ELOVL4: variants seen among roughly 807,000 people sequenced by gnomAD.
The protein encoded by ELOVL4 is ELOVL fatty acid elongase 4.
ELOVL4 carries 18 observed loss-of-function variants against 42.1 expected under a neutral mutation model. The ratio of observed to expected loss-of-function variants is 0.43; its 90% CI spans 0.30 to 0.63. The LOEUF is 0.63. Among genes scored for constraint, ELOVL4 ranks in the 30% least tolerant of loss-of-function variants. The probability of loss-of-function intolerance (pLI) is 0.15; values close to 1 mark genes in which losing one functional copy is unlikely to be tolerated. For missense variants in ELOVL4, 299 were observed against 376.2 expected (o/e 0.79, Z 1.70); for synonymous variants, 117 against 127.0 (o/e 0.92, Z 0.53).
At chr6:79,935,471 A>G (rs1362772961) in intron 1 of ELOVL4, among the ~76,000 whole-genome samples, 3 of 152,218 alleles carry the variant, frequency 2.0e-5, no homozygotes, top group African/African-American at 2.4e-5. Context: ...TGGCAAGGGG[A>G]GTCACATGGA....
In ELOVL4 at chr6:79,947,289, G is replaced by A. The variant is rs757145662; in HGVS notation, c.-10C>T. 3 of 1,606,890 alleles carry A rather than the reference G, an allele frequency of 1.9e-6. No individual in the cohort carries two copies. The highest frequency in any genetic ancestry group is 2.6e-6 in the Non-Finnish European group (3 of 1,175,046). ...AGTCCAGGAGCCCCATCGCGGCGAT[G>A]AGCGGGCGCTGGCGGCAGGAGAAAG... On this transcript the variant is annotated 5_prime_UTR_variant, in exon 1 of 6. Coordinates refer to ENST00000369816, the MANE Select transcript of ELOVL4 (RefSeq NM_022726.4).
intron 1 of ELOVL4, among the ~76,000 whole-genome samples, chr6:79,942,637 C>A (rs1241332174): frequency 2.0e-5 from 3 of 152,190 alleles, no homozygotes; most frequent in Non-Finnish European, 4.4e-5. Context: ...ATATAATTAT[C>A]TGCATAATTC....
intron 4 of ELOVL4, among the ~76,000 whole-genome samples, chr6:79,920,522 T>A (rs538033672): frequency 2.2e-4 from 34 of 152,374 alleles, no homozygotes; most frequent in African/African-American, 7.5e-4. Flanking sequence ...CAGATTTTTT[T>A]AAACTTTGGA....
At chr6:79,934,333 A>C (rs1582052833) in intron 1 of ELOVL4, among the ~76,000 whole-genome samples, 1 of 152,204 alleles carries the variant, frequency 6.6e-6, no homozygotes, top group African/African-American at 2.4e-5. Context: ...AAATTTCCAA[A>C]AGGAAAGGGT....
At chr6:79,935,763 G>T (rs539485640) in intron 1 of ELOVL4, among the ~76,000 whole-genome samples, 4 of 152,258 alleles carry the variant, frequency 2.6e-5, no homozygotes, top group East Asian at 3.9e-4. Context: ...TCTAGCATTT[G>T]ATTTTTACAT....
At chr6:79,939,103 T>C in intron 1 of ELOVL4, among the ~76,000 whole-genome samples, 2 of 152,256 alleles carry the variant, frequency 1.3e-5, no homozygotes, top group East Asian at 3.8e-4. Context: ...TTTCTTGTTA[T>C]TTGCTACTTT....
rs1350648264 is a variant in ELOVL4 at position 79,947,160 on chromosome 6, G to A, written c.100+20C>T. The A allele has an allele frequency of 1.2e-6, 2 of 1,601,262 alleles. No individual in the cohort carries two copies. Among genetic ancestry groups the A allele is most frequent in the Non-Finnish European group, 1.7e-6 (2 of 1,170,920 alleles). ...CCCCCGCGGGGGACCGAGCGAGGAT[G>A]GGGAAGTCAGCGGCTTTACCTGCGA... On this transcript the variant is annotated intron_variant, in intron 1 of 5. Coordinates refer to ENST00000369816, the MANE Select transcript of ELOVL4 (RefSeq NM_022726.4).
intron 4 of ELOVL4, among the ~76,000 whole-genome samples, chr6:79,921,360 C>A (rs1774251195): frequency 7.1e-6 from 1 of 141,746 alleles, no homozygotes; most frequent in African/African-American, 2.6e-5. Flanking sequence ...ACTCAGGAGG[C>A]TGAGGCAGGA....
intron 1 of ELOVL4, among the ~76,000 whole-genome samples, chr6:79,938,373 G>A (rs537286632): frequency 2.8e-4 from 43 of 152,288 alleles, no homozygotes; most frequent in African/African-American, 9.4e-4. Flanking sequence ...GTGTGTGAGT[G>A]TGTGAGTTAA....
intron 2 of ELOVL4, 81 bp downstream of exon 2, chr6:79,926,112 AT>A: frequency 7.9e-7 from 1 of 1,268,046 alleles, no homozygotes; most frequent in East Asian, 2.5e-5. Flanking sequence ...TGGGTAAAAT[AT>A]TACAATGATG....
intron 1 of ELOVL4, among the ~76,000 whole-genome samples, chr6:79,928,727 GTTTT>G (rs34673896): frequency 7.9e-5 from 6 of 75,580 alleles, no homozygotes; most frequent in Non-Finnish European, 1.2e-4. Context: ...TGGTGACTGG[GTTTT>G]TTTTTTTTTT....
At chr6:79,943,017 T>C (rs1441820331) in intron 1 of ELOVL4, among the ~76,000 whole-genome samples, 4 of 151,938 alleles carry the variant, frequency 2.6e-5, no homozygotes, top group African/African-American at 7.2e-5. Context: ...TTCTTTCTTT[T>C]TTTTTTTTAA....
intron 4 of ELOVL4, among the ~76,000 whole-genome samples, chr6:79,920,404 A>C (rs1774233614): frequency 6.6e-6 from 1 of 152,366 alleles, no homozygotes; most frequent in South Asian, 2.1e-4. Context: ...GATCCTCTTT[A>C]ACATTAACAA....
At chr6:79,917,186 C>T (rs1170807845) in intron 5 of ELOVL4, among the ~76,000 whole-genome samples, 2 of 152,050 alleles carry the variant, frequency 1.3e-5, no homozygotes, top group African/African-American at 4.8e-5. Flanking sequence ...TTTGTTATTT[C>T]TTTATTGCCT....
In ELOVL4 at chr6:79,938,960, C is replaced by A. The variant is rs79893890; in HGVS notation, c.100+8220G>T. On this transcript the variant is annotated intron_variant, in intron 1 of 5. Transcript: ENST00000369816. Reference sequence around the variant, plus strand: ...TCATTTGCACTATAGTGACCACCTACAAAAGTTACGTAACTTCTGTAAATC... The same window carrying A: ...TCATTTGCACTATAGTGACCACCTAAAAAAGTTACGTAACTTCTGTAAATC... 4.9e-3 allele frequency among the ~76,000 whole-genome samples: 752 copies of A among 152,312 alleles called. 3 individuals are homozygous for A. Among genetic ancestry groups the A allele is most frequent in the African/African-American group, 0.017 (686 of 41,574 alleles).
chr6:79,937,568 G>C (rs9448863), intron 1 of ELOVL4, among the ~76,000 whole-genome samples: 3 of 151,888 alleles, frequency 2.0e-5, no homozygotes, highest in Non-Finnish European at 4.4e-5. Context: ...TGGAATATGA[G>C]GACTAAATGT....
At chr6:79,924,157 CT>C (rs1432790982) in intron 3 of ELOVL4, among the ~76,000 whole-genome samples, 1 of 152,094 alleles carries the variant, frequency 6.6e-6, no homozygotes, top group Non-Finnish European at 1.5e-5. Context: ...AATATAACAT[CT>C]TGTTACTAGT....
chr6:79,936,617 A>G (rs1006397459), intron 1 of ELOVL4, among the ~76,000 whole-genome samples: 2 of 152,232 alleles, frequency 1.3e-5, no homozygotes, highest in Non-Finnish European at 2.9e-5. Flanking sequence ...TGAAAACTGT[A>G]GACAACGGTT....
In ELOVL4 at chr6:79,916,678, C is replaced by T. The variant is rs1234334652; in HGVS notation, c.875G>A (p.Ser292Asn). ...TATCATGAGTTGTTTTTCTGATTTGCTCACACCATTTGCTGAAATACCATT... is the reference window on the plus strand; with the variant it reads ...TATCATGAGTTGTTTTTCTGATTTGTTCACACCATTTGCTGAAATACCATT... ...AMNGISANGV[S>N]KSEKQLMIEN... The change falls in exon 6 of 6, where the codon AGC becomes AAC. Residue 292 changes from serine (S) to asparagine (N), a missense_variant. Physicochemically the swap from Ser to Asn is conservative, Grantham distance 46 (BLOSUM62 1). Coordinates refer to ENST00000369816, the MANE Select transcript of ELOVL4 (RefSeq NM_022726.4). 15 of 1,613,954 alleles carry T rather than the reference C, an allele frequency of 9.3e-6. No individual in the cohort carries two copies. Among genetic ancestry groups the T allele is most frequent in the Non-Finnish European group, 1.3e-5 (15 of 1,180,018 alleles).
Sources: allele counts gnomAD v4.1 joint callset (sites outside exome capture counted in the v4.1 genomes callset), GRCh38; gene constraint gnomAD v4.1.1; transcripts MANE v1.5; gene names NCBI Gene and HGNC (gene_info 2026-07-23, HGNC 2026-07-21).